RIPK2: variants seen among roughly 807,000 people sequenced by gnomAD.
The protein encoded by RIPK2 is receptor interacting serine/threonine kinase 2, also known as receptor-interacting serine/threonine-protein kinase 2.
Under a neutral mutation model 60.9 loss-of-function variants are expected in RIPK2, and 38 were observed. That is an observed-to-expected ratio of 0.62 (90% CI 0.48 to 0.82). The LOEUF (loss-of-function observed/expected upper bound fraction) is 0.82, where lower values mean the gene tolerates loss of function less well. Ranked by LOEUF, RIPK2 falls within the 40% of genes least tolerant of loss-of-function variation. RIPK2 has a pLI of 0.00. For synonymous variants in RIPK2, 225 were observed against 223.4 expected (o/e 1.01, Z -0.06); for missense variants, 518 against 647.0 (o/e 0.80, Z 2.16).
chr8:89,767,931 C>G (rs1418337334), intron 3 of RIPK2, among the ~76,000 whole-genome samples: 2 of 151,652 alleles, frequency 1.3e-5, no homozygotes, highest in African/African-American at 4.8e-5. Flanking sequence ...GGATTTTAAT[C>G]CTTGGTGCTA....
chr8:89,780,488 A>G (rs1401175208), intron 7 of RIPK2: 1 of 157,770 alleles, frequency 6.3e-6, no homozygotes, highest in African/African-American at 2.5e-5. Flanking sequence ...TGGGCCACAT[A>G]GCAAGACCCC....
chr8:89,790,396 C>T lies in RIPK2; in HGVS notation c.1603C>T (p.Leu535Phe), dbSNP rs1563620987. ...VVSRSPSLNL[L>F]QNKSM Reference sequence around the variant, plus strand: ...TTCTAGATCACCATCTTTAAATTTACTTCAAAATAAAAGCATGTAAGTGAC... The same window carrying T: ...TTCTAGATCACCATCTTTAAATTTATTTCAAAATAAAAGCATGTAAGTGAC... Residue 535 changes from leucine (L) to phenylalanine (F), a missense_variant, in exon 11 of 11, where the codon CTT becomes TTT. Leu to Phe is a conservative substitution (Grantham distance 22, BLOSUM62 0). Around this residue, in one of 3 missense-constraint regions of RIPK2, gnomAD observed 41 missense variants for 43.7 expected, o/e 0.94. Transcript: ENST00000220751. 1 of 1,595,926 alleles carries T rather than the reference C, an allele frequency of 6.3e-7. No individual in the cohort carries two copies. Among genetic ancestry groups the T allele is most frequent in the Non-Finnish European group, 8.5e-7 (1 of 1,171,470 alleles).
chr8:89,762,617 G>A (rs1185344321), intron 1 of RIPK2, among the ~76,000 whole-genome samples: 1 of 152,038 alleles, frequency 6.6e-6, no homozygotes, highest in African/African-American at 2.4e-5. Context: ...ATGGCTTATA[G>A]AAGTTAGTTT....
At chr8:89,784,219 C>A in intron 8 of RIPK2, 80 bp downstream of exon 8, 2 of 876,886 alleles carry the variant, frequency 2.3e-6, no homozygotes, top group Non-Finnish European at 3.3e-6. Flanking sequence ...TTGGTCTAAG[C>A]CCTTCTTTTA....
chr8:89,790,182 T>C lies in RIPK2; in HGVS notation c.1389T>C (p.Leu463=). ...EACLNQSLDA[L]LSRDLIMKED... ...GCCTTAACCAGTCGCTAGATGCCCT[T>C]CTGTCCAGGGACTTGATCATGAAAG... The change falls in exon 11 of 11, where the codon CTT becomes CTC. Residue 463 remains leucine (L), a synonymous_variant. Coordinates refer to ENST00000220751, the MANE Select transcript of RIPK2 (RefSeq NM_003821.6). 1 of 1,614,120 alleles carries C rather than the reference T, an allele frequency of 6.2e-7. No homozygotes were observed. Among genetic ancestry groups the C allele is most frequent in the Non-Finnish European group, 8.5e-7 (1 of 1,179,976 alleles).
intron 9 of RIPK2, 104 bp downstream of exon 9, chr8:89,786,790 A>G (rs1480085612): frequency 1.4e-6 from 1 of 707,502 alleles, no homozygotes; most frequent in Non-Finnish European, 2.5e-6. Context: ...TAATTTGCAT[A>G]TATAACTCAT....
intron 10 of RIPK2, among the ~76,000 whole-genome samples, chr8:89,789,855 A>C (rs1809647236): frequency 1.3e-5 from 2 of 152,230 alleles, no homozygotes. Flanking sequence ...CGTGATTTAT[A>C]CCATAGGAAA....
chr8:89,785,101 C>T (rs992311327), intron 8 of RIPK2, among the ~76,000 whole-genome samples: 20 of 152,150 alleles, frequency 1.3e-4, no homozygotes, highest in African/African-American at 4.8e-4. Context: ...GATCAAATTT[C>T]AATGTGAGAT....
chr8:89,786,810 C>T (rs548728763), intron 9 of RIPK2, 124 bp downstream of exon 9: 10 of 659,036 alleles, frequency 1.5e-5, no homozygotes, highest in South Asian at 8.9e-5. Flanking sequence ...TTTTGTAAAG[C>T]GACAGAGTCT....
chr8:89,782,779 TA>T (rs1809522104), intron 7 of RIPK2, among the ~76,000 whole-genome samples: 1 of 152,232 alleles, frequency 6.6e-6, no homozygotes, highest in Admixed American at 6.5e-5. Flanking sequence ...TCTTGAATAA[TA>T]AACACTGAAT....
Position 89,790,366 on chromosome 8 carries a change from G to A in RIPK2, c.1573G>A (p.Val525Met), listed in dbSNP as rs1466616442. 6.2e-7 allele frequency: 1 copy of A among 1,611,184 alleles called. No homozygotes were observed. Among genetic ancestry groups the A allele is most frequent in the East Asian group, 2.2e-5 (1 of 44,850 alleles). ...TCTTCAGCCTTACCCGGAAATACTTGTGGTTTCTAGATCACCATCTTTAAA... is the reference window on the plus strand; with the variant it reads ...TCTTCAGCCTTACCCGGAAATACTTATGGTTTCTAGATCACCATCTTTAAA... ...MGLQPYPEILVVSRSPSLNLL... is the reference protein window; with the variant it reads ...MGLQPYPEILMVSRSPSLNLL... The change falls in exon 11 of 11, where the codon GTG (valine) becomes ATG (methionine). Residue 525 changes from valine to methionine, a missense_variant. This residue lies in a region of RIPK2 where 41 missense variants were observed against 43.7 expected (regional missense o/e 0.94). Coordinates refer to ENST00000220751, the MANE Select transcript of RIPK2 (RefSeq NM_003821.6).
At chr8:89,765,940 A>G (rs746983529) in intron 3 of RIPK2, among the ~76,000 whole-genome samples, 1 of 151,728 alleles carries the variant, frequency 6.6e-6, no homozygotes, top group Non-Finnish European at 1.5e-5. Flanking sequence ...CGCAACAATC[A>G]AGGTACAGCA....
Position 89,771,756 on chromosome 8 carries a change from A to G in RIPK2, c.657A>G (p.Thr219=). Residue 219 remains threonine (T), a synonymous_variant, in exon 5 of 11, where the codon ACA becomes ACG. Transcript: ENST00000220751. ...KHDIYSYAVI[T]WEVLSRKQPF... ...TGTTAAACAGCTATGCAGTTATCAC[A>G]TGGGAAGTGTTATCCAGAAAACAGC... The G allele has an allele frequency of 6.2e-7, 1 of 1,605,750 alleles. No individual in the cohort carries two copies. The highest frequency in any genetic ancestry group is 1.3e-5 in the African/African-American group (1 of 74,656).
At chr8:89,775,144 A>G (rs1309579901) in intron 6 of RIPK2, among the ~76,000 whole-genome samples, 1 of 152,060 alleles carries the variant, frequency 6.6e-6, no homozygotes, top group Admixed American at 6.6e-5. Context: ...TGGGGTCAAA[A>G]TTTTTTCCTA....
chr8:89,779,931 G>C, intron 6 of RIPK2, 144 bp from the exon 7 acceptor site: 1 of 567,442 alleles, frequency 1.8e-6, no homozygotes, highest in Non-Finnish European at 3.2e-6. Context: ...CTATCTTTAT[G>C]TCAGTAATAA....
intron 2 of RIPK2, 134 bp downstream of exon 2, chr8:89,763,116 G>A: frequency 5.5e-6 from 3 of 545,958 alleles, no homozygotes; most frequent in Non-Finnish European, 8.5e-6. Context: ...AACTATCACA[G>A]GGATAAAATT....
At chr8:89,772,626 A>C in intron 5 of RIPK2, 41 bp from the exon 6 acceptor site, 1 of 1,404,192 alleles carries the variant, frequency 7.1e-7, no homozygotes, top group Non-Finnish European at 9.8e-7. Flanking sequence ...ATGCTTAATC[A>C]TAATATATTA....
intron 9 of RIPK2, among the ~76,000 whole-genome samples, chr8:89,788,111 G>T (rs1054643005): frequency 1.4e-4 from 22 of 152,034 alleles, no homozygotes; most frequent in African/African-American, 5.3e-4. Flanking sequence ...CAAGGCCAAG[G>T]TGGGCAAATC....
chr8:89,759,486 C>T (rs1288512300), intron 1 of RIPK2: 1 of 434,492 alleles, frequency 2.3e-6, no homozygotes, highest in Admixed American at 2.4e-5. Flanking sequence ...AGCTTCCGCC[C>T]TGCCAAAGTT....
Sources: gnomAD v4.1 joint callset for allele counts (sites outside exome capture counted in the v4.1 genomes callset) on GRCh38, gnomAD v4.1.1 for gene constraint, gnomAD v4.1.1 regional missense constraint, MANE v1.5 for transcripts, NCBI Gene and HGNC (gene_info 2026-07-23, HGNC 2026-07-21) for gene names.